Variants in MAP3K10 observed in about 807,000 individuals in gnomAD.
The protein encoded by MAP3K10 is mitogen-activated protein kinase kinase kinase 10.
In MAP3K10, 22 loss-of-function variants were observed where a neutral mutation model predicts 75.0. That is an observed-to-expected ratio of 0.29 (90% CI 0.21 to 0.42). The LOEUF (loss-of-function observed/expected upper bound fraction) is 0.42. Among genes scored for constraint, MAP3K10 ranks in the 10% least tolerant of loss-of-function variants. The probability of loss-of-function intolerance (pLI) is 1.00; values close to 1 mark genes in which losing one functional copy is unlikely to be tolerated. For missense variants in MAP3K10, 1,165 were observed against 1,379.8 expected (o/e 0.84, Z 2.47); for synonymous variants, 599 against 612.9 (o/e 0.98, Z 0.34).
intron 2 of MAP3K10, among the ~76,000 whole-genome samples, chr19:40,200,245 C>T (rs995420809): frequency 3.3e-5 from 5 of 152,138 alleles, no homozygotes; most frequent in South Asian, 2.1e-4. Flanking sequence ...GTTGAGATGG[C>T]GCCGTTGCAC....
rs1973329306 is a variant in MAP3K10 at position 40,215,153 on chromosome 19, C to T, written c.2726C>T (p.Thr909Ile). 6.2e-7 allele frequency: 1 copy of T among 1,608,564 alleles called. No homozygotes were observed. Among genetic ancestry groups the T allele is most frequent in the South Asian group, 1.1e-5 (1 of 90,422 alleles). Residue 909 changes from threonine (T) to isoleucine (I), a missense_variant, in exon 10 of 10, where the codon ACC becomes ATC. By Grantham distance (89) the Thr-to-Ile change is moderately conservative. Transcript: ENST00000253055. Reference protein sequence around the residue: ...WKLVSFGRTLTISPPSRPDTP... With the variant: ...WKLVSFGRTLIISPPSRPDTP... Reference sequence around the variant, plus strand: ...CTGGTCTCCTTCGGCCGGACACTCACCATCTCGCCTCCCAGCAGGCCAGAC... The same window carrying T: ...CTGGTCTCCTTCGGCCGGACACTCATCATCTCGCCTCCCAGCAGGCCAGAC...
Position 40,213,810 on chromosome 19 carries a change from T to C in MAP3K10, c.2131T>C (p.Phe711Leu). 1.5e-6 allele frequency: 2 copies of C among 1,290,910 alleles called. No individual in the cohort carries two copies. The highest frequency in any genetic ancestry group is 2.0e-6 in the Non-Finnish European group (2 of 1,015,852). The allele number at this position is 1,290,910 out of a possible 1,614,324, so 80.0% of individuals were successfully genotyped here. Residue 711 changes from phenylalanine (F) to leucine (L), a missense_variant, in exon 9 of 10, where the codon TTT becomes CTT. Physicochemically the swap from Phe to Leu is conservative, Grantham distance 22. Transcript: ENST00000253055. This position sits in a 1 kb window ranked among gnomAD's most constrained non-coding sequence, Gnocchi z 5.7. ...GCGGCGCTGGCTCGACGGCCTCTTCTTTCCCCGCGCCGGCCGCTTCCCGCG... is the reference window on the plus strand; with the variant it reads ...GCGGCGCTGGCTCGACGGCCTCTTCCTTCCCCGCGCCGGCCGCTTCCCGCG... ...EQRRWLDGLF[F>L]PRAGRFPRGL...
At chr19:40,202,036 G>T (rs1440405200) in intron 2 of MAP3K10, among the ~76,000 whole-genome samples, 1 of 151,064 alleles carries the variant, frequency 6.6e-6, no homozygotes, top group Non-Finnish European at 1.5e-5. Context: ...AAAGGAAAAT[G>T]GCACCCCTTC....
At chr19:40,209,789 G>A (rs1033160942) in intron 6 of MAP3K10, among the ~76,000 whole-genome samples, 1 of 152,076 alleles carries the variant, frequency 6.6e-6, no homozygotes, top group South Asian at 2.1e-4. Context: ...TGTATTAATC[G>A]GAGTTCTTCA....
chr19:40,199,493 C>T (rs1972977575), intron 2 of MAP3K10, among the ~76,000 whole-genome samples: 1 of 152,062 alleles, frequency 6.6e-6, no homozygotes, highest in Non-Finnish European at 1.5e-5. Flanking sequence ...AGGAACCAGT[C>T]ACGAAAAGTT....
chr19:40,205,417 CT>C lies in MAP3K10; in HGVS notation c.1188+127del. 2.9e-6 allele frequency: 3 copies of C among 1,047,594 alleles called. No homozygotes were observed. The highest frequency in any genetic ancestry group is 4.1e-6 in the Non-Finnish European group (3 of 729,544). 64.9% of individuals were successfully genotyped at this position (1,047,594 alleles called of 1,614,324 possible). On this transcript the variant is annotated intron_variant, in intron 4 of 9. Coordinates refer to ENST00000253055, the MANE Select transcript of MAP3K10 (RefSeq NM_002446.4). The surrounding 1 kb of genome is among the most constrained non-coding windows in gnomAD (Gnocchi z 4.3). ...TGGGTCCATGCAGGGTCAAGGGAGCCTTTTTTGCATATTAAGAAAAGACAGC... is the reference window on the plus strand; with the variant it reads ...TGGGTCCATGCAGGGTCAAGGGAGCCTTTTTGCATATTAAGAAAAGACAGC...
rs767157420 is a variant in MAP3K10, at chr19:40,205,110, T to A, written c.1013-11T>A. 6.2e-7 allele frequency: 1 copy of A among 1,612,166 alleles called. No homozygotes were observed. The highest frequency in any genetic ancestry group is 1.1e-5 in the South Asian group (1 of 91,008). On this transcript the variant is annotated splice_polypyrimidine_tract_variant and intron_variant, in intron 3 of 9. Coordinates refer to ENST00000253055, the MANE Select transcript of MAP3K10 (RefSeq NM_002446.4). This position sits in a 1 kb window ranked among gnomAD's most constrained non-coding sequence, Gnocchi z 4.3. ...CATGCCCCACCACTGTCCTTCCTCC[T>A]CCCACCCCAGAATGCTGGGACCCAG...
At chr19:40,206,449 A>G (rs1973125447) in intron 5 of MAP3K10, 2 of 260,556 alleles carry the variant, frequency 7.7e-6, no homozygotes, top group Non-Finnish European at 1.4e-5. Flanking sequence ...GTTGGCATGC[A>G]CTTATAGTCC....
chr19:40,201,174 G>GTTT (rs1175595813), intron 2 of MAP3K10, among the ~76,000 whole-genome samples: 14 of 130,360 alleles, frequency 1.1e-4, no homozygotes, highest in African/African-American at 2.5e-4. Flanking sequence ...AGCGTTTTTT[G>GTTT]TTTTTTTTTT....
In MAP3K10 at chr19:40,194,754, G is replaced by C. The variant is rs565959666; in HGVS notation, c.682+2041G>C. Among the ~76,000 whole-genome samples, 59 of 64,070 alleles carry C rather than the reference G, an allele frequency of 9.2e-4. 1 individual carries two copies. The East Asian group carries it at 0.023, about 25-fold the overall frequency. The allele number at this position is 64,070 out of a possible 152,430, so 42.0% of individuals were successfully genotyped here. A position where few individuals can be genotyped will look rare whatever the true frequency, so the allele number is the denominator to read the frequency against. On this transcript the variant is annotated intron_variant, in intron 1 of 9. Coordinates refer to ENST00000253055, the MANE Select transcript of MAP3K10 (RefSeq NM_002446.4). ...GGTTCATTCCACCAGTAATTCTTAA[G>C]TGCCTACTCTTACTAGGCACTGCCT...
rs1214540182 is a variant in MAP3K10, at chr19:40,212,641, A to G, written c.1553-164A>G. On this transcript the variant is annotated intron_variant, in intron 6 of 9. Coordinates refer to ENST00000253055, the MANE Select transcript of MAP3K10 (RefSeq NM_002446.4). The surrounding 1 kb of genome is among the most constrained non-coding windows in gnomAD (Gnocchi z 4.2). ...GCTGGAACCTTGTCCTGACAGCAGT[A>G]GGGGGCTATGGGGAGATATATAGCA... is the stretch of plus-strand genomic sequence containing the variant. Among the ~76,000 whole-genome samples the G allele has an allele frequency of 1.3e-5, 2 of 152,138 alleles. No individual in the cohort carries two copies. The highest frequency in any genetic ancestry group is 4.8e-5 in the African/African-American group (2 of 41,432).
chr19:40,214,199 C>G lies in MAP3K10; in HGVS notation c.2520C>G (p.Pro840=), dbSNP rs987678187. 9 of 1,434,908 alleles carry G rather than the reference C, an allele frequency of 6.3e-6. No individual in the cohort carries two copies. Among genetic ancestry groups the G allele is most frequent in the African/African-American group, 4.5e-5 (3 of 66,942 alleles). 88.9% of individuals were successfully genotyped at this position (1,434,908 alleles called of 1,614,324 possible). Residue 840 remains proline, a synonymous_variant, in exon 9 of 10, where the codon CCC becomes CCG. Transcript: ENST00000253055. ...GGGCGCTGGGGCAGCGGGGGCCGCC[C>G]GAGCCCGCGGGCCATGGCCCTGGTG... ...SDGALGQRGP[P]EPAGHGPGPR...
chr19:40,192,102 T>C lies in MAP3K10; in HGVS notation c.71T>C (p.Val24Ala). Residue 24 changes from valine (V) to alanine (A), a missense_variant, in exon 1 of 10, where the codon GTG (valine) becomes GCG (alanine). Val to Ala is a moderately conservative substitution (Grantham distance 64). This residue lies in a region of MAP3K10 where 575 missense variants were observed against 793.2 expected (regional missense o/e 0.72). Transcript: ENST00000253055. The surrounding 1 kb of genome is among the most constrained non-coding windows in gnomAD (Gnocchi z 7.1). ...TTPAGPVWTA[V>A]FDYEAAGDEE... ...CCCGCGGGGCCCGTCTGGACCGCGG[T>C]GTTCGACTACGAGGCGGCGGGCGAC... 1.3e-6 allele frequency: 2 copies of C among 1,553,080 alleles called. No homozygotes were observed. Among genetic ancestry groups the C allele is most frequent in the East Asian group, 2.3e-5 (1 of 43,074 alleles).
In MAP3K10 at chr19:40,212,725, T is replaced by G; in HGVS notation, c.1553-80T>G. ...TGGACTCCCAGGCGGAGGGTGGGCC[T>G]GAGCTGGGGGCACTGGAGGCTGGGA... On this transcript the variant is annotated intron_variant, in intron 6 of 9. Coordinates refer to ENST00000253055, the MANE Select transcript of MAP3K10 (RefSeq NM_002446.4). The surrounding 1 kb of genome is among the most constrained non-coding windows in gnomAD (Gnocchi z 4.2). 1.3e-6 allele frequency: 2 copies of G among 1,533,358 alleles called. No homozygotes were observed. Among genetic ancestry groups the G allele is most frequent in the Non-Finnish European group, 1.8e-6 (2 of 1,137,954 alleles). 95.0% of individuals were successfully genotyped at this position (1,533,358 alleles called of 1,614,324 possible).
chr19:40,193,556 G>A (rs1260309178), intron 1 of MAP3K10, among the ~76,000 whole-genome samples: 3 of 152,172 alleles, frequency 2.0e-5, no homozygotes, highest in Non-Finnish European at 2.9e-5. Flanking sequence ...GCCCAGCTGG[G>A]AGTAAGACAG....
Position 40,192,520 on chromosome 19 carries a change from C to G in MAP3K10, c.489C>G (p.Ala163=). The change falls in exon 1 of 10, where the codon GCC becomes GCG. Residue 163 remains alanine (A), a synonymous_variant. Transcript: ENST00000253055. This position sits in a 1 kb window ranked among gnomAD's most constrained non-coding sequence, Gnocchi z 7.1. ...CCAACATAATTGCCCTTAGGGGCGC[C>G]TGCCTCAACCCCCCACACCTCTGCC... ...QHPNIIALRG[A]CLNPPHLCLV... The G allele has an allele frequency of 6.2e-7, 1 of 1,613,610 alleles. No individual in the cohort carries two copies. The highest frequency in any genetic ancestry group is 8.5e-7 in the Non-Finnish European group (1 of 1,179,960).
At chr19:40,197,675 T>C (rs2145072289) in intron 1 of MAP3K10, among the ~76,000 whole-genome samples, 1 of 152,136 alleles carries the variant, frequency 6.6e-6, no homozygotes, top group East Asian at 1.9e-4. Context: ...TGGCAGAGTG[T>C]GGACACAGGA....
In MAP3K10 at chr19:40,191,775, T is replaced by G; in HGVS notation, c.-257T>G. Reference sequence around the variant, plus strand: ...GCCAGGCCCTCTTAGCCCTCTGCCGTTTGGGGGGCACGGGTGAACCTGCCG... The same window carrying G: ...GCCAGGCCCTCTTAGCCCTCTGCCGGTTGGGGGGCACGGGTGAACCTGCCG... On this transcript the variant is annotated 5_prime_UTR_variant, in exon 1 of 10. Transcript: ENST00000253055. The G allele has an allele frequency of 7.6e-5, 27 of 353,934 alleles. No individual in the cohort carries two copies. Among genetic ancestry groups the G allele is most frequent in the East Asian group, 1.8e-4 (4 of 22,232 alleles). 21.9% of individuals were successfully genotyped at this position (353,934 alleles called of 1,614,324 possible).
chr19:40,210,532 C>G (rs921806486), intron 6 of MAP3K10, among the ~76,000 whole-genome samples: 1 of 152,048 alleles, frequency 6.6e-6, no homozygotes, highest in Non-Finnish European at 1.5e-5. Context: ...GAAACCCAGT[C>G]TCTACTAAAA....
Sources: allele counts gnomAD v4.1 joint callset (sites outside exome capture counted in the v4.1 genomes callset), GRCh38; gene constraint gnomAD v4.1.1; regional missense constraint gnomAD v4.1.1; non-coding constraint Gnocchi (gnomAD v3.1); transcripts MANE v1.5; gene names NCBI Gene and HGNC (gene_info 2026-07-23, HGNC 2026-07-21).